Variants in LINGO2 observed in about 807,000 individuals in gnomAD.
The protein encoded by LINGO2 is leucine-rich repeat and immunoglobulin-like domain-containing nogo receptor-interacting protein 2.
LINGO2 carries 14 observed loss-of-function variants against 30.6 expected under a neutral mutation model. The ratio of observed to expected loss-of-function variants is 0.46; its 90% CI spans 0.30 to 0.72. LINGO2 has a LOEUF of 0.72. Ranked by LOEUF, LINGO2 falls within the 30% of genes least tolerant of loss-of-function variation. The pLI is 0.07. For missense variants in LINGO2, 729 were observed against 751.7 expected (o/e 0.97, Z 0.35); for synonymous variants, 317 against 288.5 (o/e 1.10, Z -1.00).
chr9:28,117,196 G>C (rs887151397), intron 4 of LINGO2, among the ~76,000 whole-genome samples: 4 of 151,832 alleles, frequency 2.6e-5, no homozygotes, highest in East Asian at 1.9e-4. Flanking sequence ...TGCCCCTGGT[G>C]GGGGGTGCCT....
chr9:28,525,089 G>A (rs981156845), intron 1 of LINGO2, among the ~76,000 whole-genome samples: 7 of 151,908 alleles, frequency 4.6e-5, no homozygotes, highest in Non-Finnish European at 2.9e-5. Context: ...TATGAATCAC[G>A]AAAAAGGACA....
At chr9:28,857,987 T>G in the LINGO2 span, among the ~76,000 whole-genome samples, 1 of 151,950 alleles carries the variant, frequency 6.6e-6, no homozygotes, top group Non-Finnish European at 1.5e-5. Flanking sequence ...GTTCTAGATA[T>G]CTATCCCATT....
At chr9:28,197,649 A>T (rs1460482662) in intron 4 of LINGO2, among the ~76,000 whole-genome samples, 3 of 152,002 alleles carry the variant, frequency 2.0e-5, no homozygotes, top group African/African-American at 7.2e-5. Context: ...GGAACTGCAG[A>T]GTTGTAAAGG....
At chr9:28,705,909 T>A in the LINGO2 span, among the ~76,000 whole-genome samples, 1,100 of 151,966 alleles carry the variant, frequency 7.2e-3, 11 homozygotes, top group Non-Finnish European at 0.01. Flanking sequence ...ACTTCTCTGA[T>A]GAATCTAAAA....
chr9:28,908,480 C>T, the LINGO2 span, among the ~76,000 whole-genome samples: 1 of 151,800 alleles, frequency 6.6e-6, no homozygotes, highest in Non-Finnish European at 1.5e-5. Context: ...GCTGACTATC[C>T]TCTCTCACTT....
At chr9:28,411,634 T>C (rs7869243) in intron 2 of LINGO2, among the ~76,000 whole-genome samples, 70,227 of 151,964 alleles carry the variant, frequency 0.46, 16,501 homozygotes, top group Admixed American at 0.5. Flanking sequence ...ATCCATCATA[T>C]GTAGATGCCA....
chr9:28,511,870 G>A (rs551768889), intron 1 of LINGO2, among the ~76,000 whole-genome samples: 18 of 152,224 alleles, frequency 1.2e-4, no homozygotes, highest in African/African-American at 1.9e-4. Context: ...GTCCTTCAGC[G>A]ATGTCCAAGA....
At chr9:28,189,065 A>T (rs1819649174) in intron 4 of LINGO2, among the ~76,000 whole-genome samples, 1 of 151,942 alleles carries the variant, frequency 6.6e-6, no homozygotes, top group Admixed American at 6.6e-5. Flanking sequence ...AGAAAAGTTC[A>T]CATTGTGAGG....
chr9:28,755,570 T>C, the LINGO2 span, among the ~76,000 whole-genome samples: 6 of 152,080 alleles, frequency 3.9e-5, no homozygotes, highest in African/African-American at 1.5e-4. Context: ...ATAAATACTT[T>C]TAATTCTCTG....
chr9:28,290,618 T>C (rs10812772), intron 4 of LINGO2, among the ~76,000 whole-genome samples: 15,153 of 152,140 alleles, frequency 0.1, 982 homozygotes, highest in Middle Eastern at 0.25. Flanking sequence ...TAGAGGTTTA[T>C]ATAGCAGGGA....
the LINGO2 span, among the ~76,000 whole-genome samples, chr9:29,034,230 T>C: frequency 6.6e-6 from 1 of 152,122 alleles, no homozygotes; most frequent in African/African-American, 2.4e-5. Flanking sequence ...TATAAACACA[T>C]ATAACATCTT....
the LINGO2 span, among the ~76,000 whole-genome samples, chr9:28,775,755 C>G: frequency 3.9e-5 from 6 of 152,124 alleles, no homozygotes; most frequent in Non-Finnish European, 8.8e-5. Context: ...AGTTTATTCT[C>G]CATGCAAAAC....
At chr9:28,646,850 A>G (rs1268308410) in intron 1 of LINGO2, among the ~76,000 whole-genome samples, 1 of 152,150 alleles carries the variant, frequency 6.6e-6, no homozygotes, top group Admixed American at 6.5e-5. Context: ...TCTAATCATT[A>G]GAAAGAATTC....
chr9:28,690,834 A>AT, the LINGO2 span, among the ~76,000 whole-genome samples: 1 of 152,188 alleles, frequency 6.6e-6, no homozygotes, highest in Admixed American at 6.6e-5. Context: ...ATAGACCAAA[A>AT]TAGCTTAATT....
intron 1 of LINGO2, among the ~76,000 whole-genome samples, chr9:28,531,684 T>A (rs1821242563): frequency 6.6e-6 from 1 of 152,204 alleles, no homozygotes; most frequent in Non-Finnish European, 1.5e-5. Flanking sequence ...ATATATTTAA[T>A]TTCCAAATAC....
At chr9:27,975,951 C>CA (rs1820573205) in intron 5 of LINGO2, among the ~76,000 whole-genome samples, 1 of 151,974 alleles carries the variant, frequency 6.6e-6, no homozygotes, top group African/African-American at 2.4e-5. Flanking sequence ...TATATGGAAA[C>CA]AAGTGTCTAT....
intron 3 of LINGO2, among the ~76,000 whole-genome samples, chr9:28,369,315 T>C (rs1820808452): frequency 6.6e-6 from 1 of 152,222 alleles, no homozygotes; most frequent in Admixed American, 6.5e-5. Context: ...TCTTGATTAC[T>C]TTGTCCTTGG....
the LINGO2 span, among the ~76,000 whole-genome samples, chr9:28,738,791 G>C: frequency 6.6e-6 from 1 of 151,902 alleles, no homozygotes; most frequent in African/African-American, 2.4e-5. Flanking sequence ...GTAAAAGACA[G>C]TTTGTCAATA....
Position 28,392,981 on chromosome 9 carries a change from C to T in LINGO2, c.-278-20113G>A, listed in dbSNP as rs74597612. On this transcript the variant is annotated intron_variant, in intron 2 of 5. Transcript: ENST00000379992. The stretch of plus-strand genomic sequence containing the variant: ...TGAATGGTGCTGAGGGAGAATATGT[C>T]CCTAGGAACTTCTTAATACTTAGAA... Among the ~76,000 whole-genome samples, 886 of 152,242 alleles carry T rather than the reference C, an allele frequency of 5.8e-3. 27 individuals are homozygous for T. The East Asian group carries it at 0.094, about 16-fold the overall frequency.
Sources: gnomAD v4.1 joint callset for allele counts (sites outside exome capture counted in the v4.1 genomes callset) on GRCh38, gnomAD v4.1.1 for gene constraint, MANE v1.5 for transcripts, NCBI Gene and HGNC (gene_info 2026-07-23, HGNC 2026-07-21) for gene names.